The following SPG11 variants were observed in gnomAD, a reference collection of about 807,000 sequenced individuals.
SPG11 encodes the protein SPG11 vesicle trafficking associated, spatacsin, also known as spatacsin.
A neutral mutation model predicts 274.0 loss-of-function variants in SPG11; 222 were observed. The observed-to-expected ratio is 0.81, with a 90% CI of 0.73 to 0.91. The LOEUF (loss-of-function observed/expected upper bound fraction) is 0.91, where lower values mean the gene tolerates loss of function less well. Ranked by LOEUF, SPG11 falls within the 40% of genes least tolerant of loss-of-function variation. The pLI is 0.00. For missense variants in SPG11, 3,114 were observed against 2,872.7 expected (o/e 1.08, Z -1.92); for synonymous variants, 1,144 against 1,039.7 (o/e 1.10, Z -1.93).
intron 7 of SPG11, among the ~76,000 whole-genome samples, chr15:44,634,529 C>G (rs1252555427): frequency 1.3e-5 from 2 of 151,926 alleles, no homozygotes; most frequent in Non-Finnish European, 2.9e-5. Flanking sequence ...AACAATGCAC[C>G]CAACTCGGCC....
chr15:44,653,933 C>T (rs571969851), intron 4 of SPG11, among the ~76,000 whole-genome samples: 34 of 152,030 alleles, frequency 2.2e-4, no homozygotes, highest in Non-Finnish European at 2.2e-4. Flanking sequence ...TTTGTTTAAA[C>T]TCACAAATGA....
At chr15:44,633,356 AAAAAAAGAAAG>A in intron 8 of SPG11, 138 bp downstream of exon 8, 3 of 341,236 alleles carry the variant, frequency 8.8e-6, no homozygotes, top group South Asian at 1.4e-4. Context: ...AAAAAAAAAA[AAAAAAAGAAAG>A]TTTCCAAAAA....
Position 44,570,563 on chromosome 15 carries a change from C to T in SPG11, c.6439G>A (p.Asp2147Asn). The T allele has an allele frequency of 6.2e-7, 1 of 1,614,154 alleles. No homozygotes were observed. The highest frequency in any genetic ancestry group is 1.1e-5 in the South Asian group (1 of 91,070). ...TCCTCACTGGGGGCCAGGTGGTTAT[C>T]TGTGAGCATGTGGGCGGCCTGTAGG... Reference protein sequence around the residue: ...RVLQAAHMLTDNHLAPSEEYG... With the variant: ...RVLQAAHMLTNNHLAPSEEYG... The change falls in exon 34 of 40, where the codon GAT becomes AAT. Residue 2147 changes from aspartate to asparagine, a missense_variant. Physicochemically the swap from Asp to Asn is conservative, Grantham distance 23. Transcript: ENST00000261866.
intron 7 of SPG11, among the ~76,000 whole-genome samples, chr15:44,643,368 T>C (rs763284208): frequency 5.9e-5 from 9 of 152,188 alleles, no homozygotes; most frequent in Non-Finnish European, 8.8e-5. Context: ...ACATGATTAC[T>C]TCTGGATGGT....
At chr15:44,567,325 T>TG in intron 36 of SPG11, 99 bp downstream of exon 36, 1 of 1,346,454 alleles carries the variant, frequency 7.4e-7, no homozygotes, top group Non-Finnish European at 1.0e-6. Flanking sequence ...CACTCCAGCC[T>TG]GGGGACAGAG....
In SPG11 at chr15:44,628,821, C is replaced by G. The variant is rs769307475; in HGVS notation, c.1915G>C (p.Gly639Arg). ...TEELDEHLQK[G>R]VNILTSYINE... ...ATGTAGCTAGTCAAAATGTTCACTC[C>G]TTTTTGCAGATGTTCATCTAGTTCT... The change falls in exon 10 of 40, where the codon GGA becomes CGA. Residue 639 changes from glycine (G) to arginine (R), a missense_variant. Physicochemically the swap from Gly to Arg is moderately radical, Grantham distance 125 (BLOSUM62 -2). Transcript: ENST00000261866. The G allele has an allele frequency of 2.5e-6, 4 of 1,613,406 alleles. No individual in the cohort carries two copies. In the East Asian group the frequency reaches 6.7e-5, roughly 27 times the overall value.
At chr15:44,662,220 A>G (rs1242309074) in intron 1 of SPG11, among the ~76,000 whole-genome samples, 1 of 152,204 alleles carries the variant, frequency 6.6e-6, no homozygotes, top group Admixed American at 6.5e-5. Context: ...AAGGGTAGAG[A>G]AGACAAACCC....
At chr15:44,631,661 CT>C (rs778676384) in intron 8 of SPG11, among the ~76,000 whole-genome samples, 416 of 124,512 alleles carry the variant, frequency 3.3e-3, no homozygotes, top group Middle Eastern at 4.4e-3. Context: ...CTGCATCAGG[CT>C]TTTTTTTTTT....
intron 3 of SPG11, 135 bp from the exon 4 acceptor site, chr15:44,657,431 A>G: frequency 2.6e-6 from 2 of 756,362 alleles, no homozygotes; most frequent in Non-Finnish European, 4.3e-6. Context: ...AAACTGAGGC[A>G]AGCCCCCATT....
intron 2 of SPG11, 106 bp downstream of exon 2, chr15:44,660,326 A>C: frequency 1.0e-6 from 1 of 971,724 alleles, no homozygotes. Context: ...CTACTATATC[A>C]GACAGCGTAG....
rs200943327 is a variant in SPG11, at chr15:44,569,434, G to A, written c.6549C>T (p.His2183=). The A allele has an allele frequency of 2.5e-6, 4 of 1,607,080 alleles. No homozygotes were observed. Among genetic ancestry groups the A allele is most frequent in the African/African-American group, 2.7e-5 (2 of 75,026 alleles). ...TYIFDLLHKK[H]YFEVLMRKKL... ...TCTTCCTCATTAGCACTTCAAAGTAGTGCTTTTTATGCAGCAAATCAAATA... is the reference window on the plus strand; with the variant it reads ...TCTTCCTCATTAGCACTTCAAAGTAATGCTTTTTATGCAGCAAATCAAATA... Residue 2183 remains histidine, a synonymous_variant, in exon 35 of 40, where the codon CAC becomes CAT. Coordinates refer to ENST00000261866, the MANE Select transcript of SPG11 (RefSeq NM_025137.4).
At chr15:44,598,489 AGT>A (rs1029662040) in intron 22 of SPG11, 116 bp from the exon 23 acceptor site, 4 of 1,248,744 alleles carry the variant, frequency 3.2e-6, no homozygotes, top group Non-Finnish European at 4.7e-6. Context: ...TGCCCAAGAA[AGT>A]GAGACAAAGA....
intron 6 of SPG11, 40 bp downstream of exon 6, chr15:44,651,451 T>A: frequency 1.3e-6 from 2 of 1,562,094 alleles, no homozygotes; most frequent in Non-Finnish European, 1.8e-6. Flanking sequence ...AAAGCATACA[T>A]CTCAGCAATG....
At chr15:44,652,105 T>C (rs777108027) in intron 5 of SPG11, 24 bp downstream of exon 5, 6 of 1,613,814 alleles carry the variant, frequency 3.7e-6, no homozygotes, top group Non-Finnish European at 4.2e-6. Context: ...AACAATAAAC[T>C]ACATGAAAAG....
chr15:44,607,879 A>C (rs1366049401), intron 19 of SPG11, among the ~76,000 whole-genome samples: 2 of 152,218 alleles, frequency 1.3e-5, no homozygotes, highest in Non-Finnish European at 2.9e-5. Context: ...TTAGAAGTTA[A>C]AAGTGGCAGA....
At chr15:44,567,705 G>T in intron 35 of SPG11, 113 bp from the exon 36 acceptor site, 1 of 1,041,732 alleles carries the variant, frequency 9.6e-7, no homozygotes, top group Non-Finnish European at 1.5e-6. Context: ...AAGAAGAGGA[G>T]CAAAAATGAG....
chr15:44,575,194 C>T, intron 30 of SPG11, 153 bp from the exon 31 acceptor site: 1 of 843,140 alleles, frequency 1.2e-6, no homozygotes. Context: ...GGCCCCACCT[C>T]AACTTCTTTC....
chr15:44,586,669 A>G (rs1018087010), intron 28 of SPG11, among the ~76,000 whole-genome samples: 1 of 151,950 alleles, frequency 6.6e-6, no homozygotes, highest in African/African-American at 2.4e-5. Flanking sequence ...ACTGTTAGAG[A>G]TTAGCACATG....
chr15:44,569,718 C>CT (rs1047071923), intron 34 of SPG11, among the ~76,000 whole-genome samples: 3,627 of 138,344 alleles, frequency 0.026, 58 homozygotes, highest in African/African-American at 0.034. Context: ...ACTGGCTGTT[C>CT]TTTTTTTTTT....
Sources: allele counts gnomAD v4.1 joint callset (sites outside exome capture counted in the v4.1 genomes callset), GRCh38; gene constraint gnomAD v4.1.1; transcripts MANE v1.5; gene names NCBI Gene and HGNC (gene_info 2026-07-23, HGNC 2026-07-21).